Variants in STK32B observed in about 807,000 individuals in gnomAD.
STK32B encodes serine/threonine-protein kinase 32B.
In STK32B, 43 loss-of-function variants were observed where a neutral mutation model predicts 52.6. The observed-to-expected ratio is 0.82, with a 90% CI of 0.64 to 1.05. The LOEUF (loss-of-function observed/expected upper bound fraction) is 1.05. Ranked by LOEUF, STK32B falls within the 50% of genes least tolerant of loss-of-function variation. The pLI is 0.00. For synonymous variants in STK32B, 238 were observed against 204.3 expected (o/e 1.17, Z -1.41); for missense variants, 621 against 534.6 (o/e 1.16, Z -1.59).
intron 3 of STK32B, among the ~76,000 whole-genome samples, chr4:5,219,033 C>G (rs1408065838): frequency 6.6e-6 from 1 of 152,240 alleles, no homozygotes; most frequent in Admixed American, 6.5e-5. Context: ...GGAGAGCCCC[C>G]TGGTTCACTT....
At chr4:5,384,005 C>G (rs1736092962) in intron 4 of STK32B, among the ~76,000 whole-genome samples, 1 of 152,152 alleles carries the variant, frequency 6.6e-6, no homozygotes, top group Admixed American at 6.5e-5. Context: ...GGGCGATCAT[C>G]ACAGGGAGAG....
Position 5,247,569 on chromosome 4 carries a change from C to G in STK32B, c.260+79119C>G, listed in dbSNP as rs574292770. ...GCTTTGGCTCACTCATGGTGTACTG[C>G]ACCCACTGTCCTGCACCCACTGTCC... is the stretch of plus-strand genomic sequence containing the variant. On this transcript the variant is annotated intron_variant, in intron 3 of 11. Coordinates refer to ENST00000282908, the MANE Select transcript of STK32B (RefSeq NM_018401.3). Among the ~76,000 whole-genome samples, 8 of 152,272 alleles carry G rather than the reference C, an allele frequency of 5.3e-5. No homozygotes were observed. In the East Asian group the frequency reaches 1.6e-3, roughly 30 times the overall value.
intron 3 of STK32B, among the ~76,000 whole-genome samples, chr4:5,251,020 C>A (rs1725891451): frequency 6.6e-6 from 1 of 152,138 alleles, no homozygotes; most frequent in South Asian, 2.1e-4. Flanking sequence ...TCTTTTTACT[C>A]TGTTGATAGT....
At chr4:5,021,264 G>T in the STK32B span, among the ~76,000 whole-genome samples, 32 of 152,326 alleles carry the variant, frequency 2.1e-4, no homozygotes, top group African/African-American at 6.5e-4. Context: ...GGTGGTAAAA[G>T]CCCTGGGCAG....
chr4:5,076,663 G>A (rs963560123), intron 1 of STK32B, among the ~76,000 whole-genome samples: 1 of 152,128 alleles, frequency 6.6e-6, no homozygotes, highest in Non-Finnish European at 1.5e-5. Context: ...AGCTAATGCT[G>A]TGGAAAATGT....
chr4:5,495,726 G>C (rs1720175824), intron 11 of STK32B, among the ~76,000 whole-genome samples: 1 of 152,076 alleles, frequency 6.6e-6, no homozygotes, highest in African/African-American at 2.4e-5. Context: ...TTTGGTCTTT[G>C]ATGATGGTGA....
chr4:5,113,843 A>G (rs1026556801), intron 1 of STK32B, among the ~76,000 whole-genome samples: 4 of 152,282 alleles, frequency 2.6e-5, no homozygotes, highest in African/African-American at 7.2e-5. Context: ...CCTCACAATC[A>G]TGGTGGAAGG....
chr4:5,439,181 G>A (rs922931454), intron 6 of STK32B, among the ~76,000 whole-genome samples: 1 of 149,174 alleles, frequency 6.7e-6, no homozygotes, highest in African/African-American at 2.5e-5. Flanking sequence ...TCGCCACACT[G>A]ACTTCCACAA....
At chr4:5,277,729 T>A (rs1199165436) in intron 3 of STK32B, among the ~76,000 whole-genome samples, 2 of 152,222 alleles carry the variant, frequency 1.3e-5, no homozygotes, top group Non-Finnish European at 2.9e-5. Context: ...TGCCAGATTC[T>A]TTAAGAGCCT....
intron 11 of STK32B, among the ~76,000 whole-genome samples, chr4:5,493,148 G>A (rs1031158020): frequency 2.0e-5 from 3 of 151,834 alleles, no homozygotes; most frequent in Non-Finnish European, 4.4e-5. Flanking sequence ...AGTTTCAGAA[G>A]GAATGGTACT....
intron 1 of STK32B, among the ~76,000 whole-genome samples, chr4:5,056,367 GAGTTTTGCAT>G (rs1297171203): frequency 6.6e-6 from 1 of 152,200 alleles, no homozygotes; most frequent in Non-Finnish European, 1.5e-5. Flanking sequence ...CTTAAGGTAG[GAGTTTTGCAT>G]AGTTTATTCA....
chr4:5,407,346 G>A (rs368019537), intron 5 of STK32B, among the ~76,000 whole-genome samples: 3 of 152,164 alleles, frequency 2.0e-5, no homozygotes, highest in African/African-American at 7.2e-5. Flanking sequence ...TCATCTTCCT[G>A]TCTTCATCTG....
chr4:5,091,972 T>G (rs1713101913), intron 1 of STK32B, among the ~76,000 whole-genome samples: 1 of 152,234 alleles, frequency 6.6e-6, no homozygotes, highest in Non-Finnish European at 1.5e-5. Context: ...TTGTATGATT[T>G]CATTTATATG....
intron 1 of STK32B, among the ~76,000 whole-genome samples, chr4:5,081,895 G>A (rs1441727126): frequency 6.6e-6 from 1 of 152,078 alleles, no homozygotes; most frequent in Non-Finnish European, 1.5e-5. Flanking sequence ...CTTTGGGGTT[G>A]GTTAATGGAA....
chr4:5,087,841 A>G (rs1712821788), intron 1 of STK32B, among the ~76,000 whole-genome samples: 1 of 152,066 alleles, frequency 6.6e-6, no homozygotes, highest in African/African-American at 2.4e-5. Flanking sequence ...CATGTGAACA[A>G]TAATAGTTGG....
At chr4:5,447,949 C>T (rs1236418165) in intron 7 of STK32B, among the ~76,000 whole-genome samples, 1 of 152,236 alleles carries the variant, frequency 6.6e-6, no homozygotes, top group Non-Finnish European at 1.5e-5. Context: ...CATTTACATA[C>T]ATGCATATTC....
intron 4 of STK32B, among the ~76,000 whole-genome samples, chr4:5,379,475 T>C (rs1735794338): frequency 6.6e-6 from 1 of 152,152 alleles, no homozygotes; most frequent in South Asian, 2.1e-4. Context: ...TCTCTCCACA[T>C]AAAAGTCCTG....
chr4:5,466,896 G>A, intron 10 of STK32B, 62 bp downstream of exon 10: 1 of 1,554,796 alleles, frequency 6.4e-7, no homozygotes, highest in Non-Finnish European at 8.7e-7. Flanking sequence ...AAATGACTGA[G>A]CCAGGCCACT....
intron 3 of STK32B, among the ~76,000 whole-genome samples, chr4:5,189,359 T>C (rs1437866474): frequency 1.3e-5 from 2 of 152,248 alleles, no homozygotes; most frequent in Admixed American, 1.3e-4. Context: ...TTTCAGTGTT[T>C]TCAGAGTTGT....
Sources: allele counts gnomAD v4.1 joint callset (sites outside exome capture counted in the v4.1 genomes callset), GRCh38; gene constraint gnomAD v4.1.1; transcripts MANE v1.5; gene names NCBI Gene and HGNC (gene_info 2026-07-23, HGNC 2026-07-21).